Variants in FBLN2 observed in about 807,000 individuals in gnomAD.
FBLN2 encodes fibulin 2, also known as fibulin-2.
A neutral mutation model predicts 123.7 loss-of-function variants in FBLN2; 81 were observed. The ratio of observed to expected loss-of-function variants is 0.65; its 90% CI spans 0.55 to 0.79. The LOEUF (loss-of-function observed/expected upper bound fraction) is 0.79, where lower values mean the gene tolerates loss of function less well. FBLN2 is among the 30% of genes least tolerant of loss of function. The pLI is 0.00. For synonymous variants in FBLN2, 699 were observed against 701.4 expected (o/e 1.00, Z 0.05); for missense variants, 1,603 against 1,681.3 (o/e 0.95, Z 0.81).
rs11923637 is a variant in FBLN2, at chr3:13,631,183, A to G, written c.3086-146A>G. 6.9e-3 allele frequency: 7,345 copies of G among 1,067,472 alleles called. 360 individuals are homozygous for G. In the African/African-American group the frequency reaches 0.1, roughly 15 times the overall value. 66.1% of individuals were successfully genotyped at this position (1,067,472 alleles called of 1,614,324 possible). ...CTGTTTTGCTTCGTGGCCTTGGGCA[A>G]CTCTCTTCTACTCTCTCAGTCCACT... On this transcript the variant is annotated intron_variant, in intron 15 of 17. Coordinates refer to ENST00000404922, the MANE Select transcript of FBLN2 (RefSeq NM_001004019.2).
intron 6 of FBLN2, among the ~76,000 whole-genome samples, chr3:13,618,523 C>T (rs145741336): frequency 1.1e-3 from 169 of 152,348 alleles, no homozygotes; most frequent in African/African-American, 3.1e-3. Context: ...CATATTCGAG[C>T]GCAGGGACAG....
chr3:13,613,771 T>G, intron 4 of FBLN2: 1 of 488,044 alleles, frequency 2.0e-6, no homozygotes, highest in South Asian at 4.3e-5. Context: ...TAAAGGCCAT[T>G]TACTTGTTAT....
chr3:13,629,502 T>C (rs1387304694), intron 13 of FBLN2, among the ~76,000 whole-genome samples: 1 of 145,620 alleles, frequency 6.9e-6, no homozygotes, highest in African/African-American at 2.6e-5. Flanking sequence ...CAGTCCCTCC[T>C]GTCTCATCTC....
rs1706467278 is a variant in FBLN2, at chr3:13,636,349, G to A, written c.3215-96G>A. The A allele has an allele frequency of 2.0e-6, 3 of 1,486,034 alleles. No homozygotes were observed. The Admixed American group carries it at 6.1e-5, about 30-fold the overall frequency. The allele number at this position is 1,486,034 out of a possible 1,614,324, so 92.1% of individuals were successfully genotyped here. A position where few individuals can be genotyped will look rare whatever the true frequency, so the allele number is the denominator to read the frequency against. On this transcript the variant is annotated intron_variant, in intron 16 of 17. Coordinates refer to ENST00000404922, the MANE Select transcript of FBLN2 (RefSeq NM_001004019.2). ...CACGCGGGCTATTCTCACAGGTCCG[G>A]CTGCCGTGGGGCCCAGGCCTTTCAT... is the stretch of plus-strand genomic sequence containing the variant.
intron 13 of FBLN2, among the ~76,000 whole-genome samples, 173 bp from the exon 14 acceptor site, chr3:13,629,647 T>A (rs1280270317): frequency 6.6e-6 from 1 of 152,192 alleles, no homozygotes; most frequent in Non-Finnish European, 1.5e-5. Context: ...CCTTGCTGCC[T>A]CCCCGCCACC....
chr3:13,558,831 A>G (rs1176664924), intron 1 of FBLN2, among the ~76,000 whole-genome samples: 1 of 135,014 alleles, frequency 7.4e-6, no homozygotes, highest in Non-Finnish European at 1.6e-5. Flanking sequence ...CCATTCATCC[A>G]TCTACCTACT....
chr3:13,588,006 C>T (rs1314988570), intron 2 of FBLN2, among the ~76,000 whole-genome samples: 1 of 152,254 alleles, frequency 6.6e-6, no homozygotes, highest in African/African-American at 2.4e-5. Flanking sequence ...GTGGTCAGGA[C>T]TTCCTGAGGT....
At chr3:13,625,880 GCA>G (rs1204903250) in intron 9 of FBLN2, among the ~76,000 whole-genome samples, 1 of 151,352 alleles carries the variant, frequency 6.6e-6, no homozygotes, top group Non-Finnish European at 1.5e-5. Flanking sequence ...CTCCCCTGCA[GCA>G]CACCCACCTC....
At chr3:13,636,877 C>T (rs1559431167) in intron 17 of FBLN2, among the ~76,000 whole-genome samples, 1 of 152,250 alleles carries the variant, frequency 6.6e-6, no homozygotes, top group Non-Finnish European at 1.5e-5. Context: ...CAGATACTTA[C>T]TCTTTGTCAC....
At chr3:13,578,937 C>T (rs192244843) in intron 2 of FBLN2, among the ~76,000 whole-genome samples, 165 of 152,314 alleles carry the variant, frequency 1.1e-3, no homozygotes, top group African/African-American at 3.8e-3. Flanking sequence ...TGCCTATAAT[C>T]CCAGCTGCTT....
In FBLN2 at chr3:13,629,879, C is replaced by G; in HGVS notation, c.2902C>G (p.Leu968Val). 6.2e-7 allele frequency: 1 copy of G among 1,600,450 alleles called. No individual in the cohort carries two copies. The highest frequency in any genetic ancestry group is 8.5e-7 in the Non-Finnish European group (1 of 1,174,468). The change falls in exon 14 of 18, where the codon CTC becomes GTC. Residue 968 changes from leucine to valine, a missense_variant. Physicochemically the swap from Leu to Val is conservative, Grantham distance 32. Transcript: ENST00000404922. ...RLCQHTCENTLGSYRCSCASG... is the reference protein window; with the variant it reads ...RLCQHTCENTVGSYRCSCASG... Reference sequence around the variant, plus strand: ...GTGCCAGCACACGTGTGAGAACACACTCGGCTCCTACCGCTGTTCCTGCGC... The same window carrying G: ...GTGCCAGCACACGTGTGAGAACACAGTCGGCTCCTACCGCTGTTCCTGCGC...
At chr3:13,623,849 G>A (rs1470907628) in intron 9 of FBLN2, among the ~76,000 whole-genome samples, 1 of 152,202 alleles carries the variant, frequency 6.6e-6, no homozygotes, top group South Asian at 2.1e-4. Flanking sequence ...ATTTAAAGAA[G>A]TTGCTACTCT....
chr3:13,613,958 G>T (rs370070973), intron 4 of FBLN2, 26 bp from the exon 5 acceptor site: 6 of 1,603,002 alleles, frequency 3.7e-6, no homozygotes, highest in Admixed American at 3.4e-5. Context: ...CAGAGATTGG[G>T]CAGTGATAAC....
At chr3:13,550,740 C>T (rs1255074492) in intron 1 of FBLN2, among the ~76,000 whole-genome samples, 10 of 152,156 alleles carry the variant, frequency 6.6e-5, no homozygotes, top group African/African-American at 2.4e-4. Context: ...CTGGGGTGCA[C>T]CCTTGACTTC....
intron 2 of FBLN2, among the ~76,000 whole-genome samples, chr3:13,584,087 G>T (rs543180415): frequency 3.9e-5 from 6 of 152,178 alleles, no homozygotes; most frequent in African/African-American, 7.2e-5. Flanking sequence ...AAGGGCAGTC[G>T]CTCCTGCTGT....
At chr3:13,568,811 G>T in intron 1 of FBLN2, 1 of 985,584 alleles carries the variant, frequency 1.0e-6, no homozygotes, top group South Asian at 4.7e-5. Context: ...TTTGCTCTTG[G>T]GTTTATTATC....
intron 5 of FBLN2, among the ~76,000 whole-genome samples, chr3:13,614,939 T>TCCATCCACCCAC (rs572113819): frequency 6.8e-6 from 1 of 146,464 alleles, no homozygotes; most frequent in Non-Finnish European, 1.5e-5. Context: ...CATCCATCCA[T>TCCATCCACCCAC]CCACCCACCC....
At chr3:13,593,912 G>A (rs1704758547) in intron 2 of FBLN2, among the ~76,000 whole-genome samples, 2 of 151,982 alleles carry the variant, frequency 1.3e-5, no homozygotes. Flanking sequence ...GGAAGCAGCC[G>A]GTCTTAAGCC....
Position 13,628,896 on chromosome 3 carries a change from C to A in FBLN2, c.2570-9C>A, listed in dbSNP as rs369820495. 1.6e-5 allele frequency: 26 copies of A among 1,611,974 alleles called. No individual in the cohort carries two copies. In the African/African-American group the frequency reaches 3.2e-4, roughly 20 times the overall value. ...CCGGGCTCCCTGTCACCTACACCTG[C>A]CTCTGCAGACATCAACGAGTGCACG... is the stretch of plus-strand genomic sequence containing the variant. On this transcript the variant is annotated splice_polypyrimidine_tract_variant and intron_variant, in intron 11 of 17. Transcript: ENST00000404922.
Sources: allele counts gnomAD v4.1 joint callset (sites outside exome capture counted in the v4.1 genomes callset), GRCh38; gene constraint gnomAD v4.1.1; transcripts MANE v1.5; gene names NCBI Gene and HGNC (gene_info 2026-07-23, HGNC 2026-07-21).